SUSD1: variants seen among roughly 807,000 people sequenced by gnomAD.
The protein encoded by SUSD1 is sushi domain-containing protein 1.
Under a neutral mutation model 86.9 loss-of-function variants are expected in SUSD1, and 65 were observed. The ratio of observed to expected loss-of-function variants is 0.75; its 90% CI spans 0.61 to 0.92. The LOEUF (loss-of-function observed/expected upper bound fraction) is 0.92, where lower values mean the gene tolerates loss of function less well. Among genes scored for constraint, SUSD1 ranks in the 40% least tolerant of loss-of-function variants. The pLI is 0.00. For missense variants in SUSD1, 850 were observed against 929.7 expected, an observed-to-expected ratio of 0.91 and a Z score of 1.11; for synonymous variants, 346 against 350.0, an observed-to-expected ratio of 0.99 and a Z score of 0.13.
intron 1 of SUSD1, among the ~76,000 whole-genome samples, chr9:112,171,535 A>C (rs1304541175): frequency 2.0e-5 from 3 of 152,220 alleles, no homozygotes; most frequent in Admixed American, 2.0e-4. Flanking sequence ...TGCTGTAAAG[A>C]GAAGCGGATA....
intron 8 of SUSD1, among the ~76,000 whole-genome samples, chr9:112,106,403 T>C (rs902466423): frequency 6.6e-6 from 1 of 152,152 alleles, no homozygotes; most frequent in Non-Finnish European, 1.5e-5. Context: ...TTATCTTCAA[T>C]TGAGCTCTCA....
chr9:112,116,960 C>CA (rs1831351431), intron 6 of SUSD1, among the ~76,000 whole-genome samples: 1 of 151,990 alleles, frequency 6.6e-6, no homozygotes, highest in South Asian at 2.1e-4. Context: ...GCCAACATGG[C>CA]AAAAACATGT....
chr9:112,107,881 A>G (rs1415142721), intron 8 of SUSD1, among the ~76,000 whole-genome samples: 2 of 152,252 alleles, frequency 1.3e-5, no homozygotes, highest in Non-Finnish European at 2.9e-5. Flanking sequence ...AACAAAAACC[A>G]GAAGTCCTGA....
chr9:112,063,316 A>G (rs1828817692), intron 12 of SUSD1, among the ~76,000 whole-genome samples: 1 of 152,194 alleles, frequency 6.6e-6, no homozygotes, highest in African/African-American at 2.4e-5. Flanking sequence ...GAATGGGAAC[A>G]TATTGCTTAA....
chr9:112,081,337 C>T (rs1367139024), intron 10 of SUSD1, among the ~76,000 whole-genome samples: 1 of 152,224 alleles, frequency 6.6e-6, no homozygotes, highest in Non-Finnish European at 1.5e-5. Flanking sequence ...CACGACTCCT[C>T]TCTATGGATT....
intron 1 of SUSD1, among the ~76,000 whole-genome samples, chr9:112,166,384 A>C (rs370472029): frequency 1.3e-5 from 2 of 152,290 alleles, no homozygotes; most frequent in South Asian, 4.1e-4. Context: ...GCTTCCTGGC[A>C]ATCCTGTTAA....
At chr9:112,044,439 G>T (rs561610419) in intron 15 of SUSD1, among the ~76,000 whole-genome samples, 1 of 152,376 alleles carries the variant, frequency 6.6e-6, no homozygotes, top group South Asian at 2.1e-4. Context: ...CCTCTAGGTA[G>T]TGGGAGAAGT....
intron 1 of SUSD1, among the ~76,000 whole-genome samples, chr9:112,161,736 C>T (rs949935750): frequency 2.7e-5 from 4 of 150,850 alleles, no homozygotes; most frequent in South Asian, 2.1e-4. Context: ...GCAGGAGAAT[C>T]GCTTGAACCC....
At chr9:112,063,964 C>T (rs536894319) in intron 12 of SUSD1, among the ~76,000 whole-genome samples, 1 of 150,472 alleles carries the variant, frequency 6.6e-6, no homozygotes, top group East Asian at 2.0e-4. Flanking sequence ...TTCCACCTGG[C>T]CTTCTATCCA....
chr9:112,093,602 G>A (rs1170980679), intron 10 of SUSD1, among the ~76,000 whole-genome samples: 2 of 152,194 alleles, frequency 1.3e-5, no homozygotes, highest in Non-Finnish European at 2.9e-5. Context: ...AGAGTTCCTG[G>A]AAACTTGCCC....
At chr9:112,093,145 C>A (rs2131593641) in intron 10 of SUSD1, among the ~76,000 whole-genome samples, 1 of 152,328 alleles carries the variant, frequency 6.6e-6, no homozygotes, top group East Asian at 1.9e-4. Context: ...TTGCTATTTA[C>A]CTGTCTTTCC....
chr9:112,078,536 A>T lies in SUSD1; in HGVS notation c.1753+2T>A. 6.2e-7 allele frequency: 1 copy of T among 1,605,652 alleles called. No homozygotes were observed. The highest frequency in any genetic ancestry group is 8.5e-7 in the Non-Finnish European group (1 of 1,173,058). ...ATCCAAATGCTGTTATTCAAGATTT[A>T]CCTGTTATCTGGGTTGTCAGGGAGA... On this transcript the variant is annotated splice_donor_variant, in intron 12 of 16. Coordinates refer to ENST00000374270, the MANE Select transcript of SUSD1 (RefSeq NM_022486.5). LOFTEE classifies it high-confidence loss of function.
chr9:112,144,961 C>A (rs755499484), intron 3 of SUSD1, among the ~76,000 whole-genome samples: 1 of 152,120 alleles, frequency 6.6e-6, no homozygotes, highest in Non-Finnish European at 1.5e-5. Flanking sequence ...ATTCCATCAG[C>A]TGGGCATGCC....
At position 112,111,741 on chromosome 9, in the gene SUSD1, G is replaced by A. The variant is rs1195053927; in HGVS notation, c.1084C>T (p.Leu362=). 2.5e-6 allele frequency: 4 copies of A among 1,614,052 alleles called. No individual in the cohort carries two copies. Among genetic ancestry groups the A allele is most frequent in the South Asian group, 2.2e-5 (2 of 91,084 alleles). Residue 362 remains leucine, a synonymous_variant, in exon 8 of 17, where the codon CTG becomes TTG. Transcript: ENST00000374270. ...DSRTPEVCLA[L]YPGTNYTVNI... ...ACGGTGTAGTTGGTGCCTGGGTACAGGGCTAGGCACACTTCTGGGGTCCTG... is the reference window on the plus strand; with the variant it reads ...ACGGTGTAGTTGGTGCCTGGGTACAAGGCTAGGCACACTTCTGGGGTCCTG...
intron 10 of SUSD1, among the ~76,000 whole-genome samples, chr9:112,085,614 A>G (rs529954528): frequency 6.6e-6 from 1 of 152,378 alleles, no homozygotes; most frequent in African/African-American, 2.4e-5. Context: ...GAATTCAGAA[A>G]GAAAGATACT....
chr9:112,089,419 T>C (rs578006206), intron 10 of SUSD1, among the ~76,000 whole-genome samples: 2 of 152,320 alleles, frequency 1.3e-5, no homozygotes, highest in Admixed American at 6.5e-5. Context: ...GCATTAAATA[T>C]GACAAAGGAC....
At chr9:112,165,842 G>GAA in intron 1 of SUSD1, among the ~76,000 whole-genome samples, 1 of 135,150 alleles carries the variant, frequency 7.4e-6, no homozygotes, top group African/African-American at 2.7e-5. Context: ...GAGAAAGAAA[G>GAA]AAAGAGAAAG....
intron 13 of SUSD1, among the ~76,000 whole-genome samples, chr9:112,060,522 C>T (rs962082785): frequency 2.0e-5 from 3 of 152,152 alleles, no homozygotes; most frequent in Non-Finnish European, 2.9e-5. Context: ...AGTTGTTGCA[C>T]GTATCACTGC....
At chr9:112,098,396 A>G in intron 10 of SUSD1, 74 bp downstream of exon 10, 1 of 1,474,222 alleles carries the variant, frequency 6.8e-7, no homozygotes, top group African/African-American at 1.4e-5. Flanking sequence ...TAGCACTCTT[A>G]TGCCCGCCCA....
Sources: gnomAD v4.1 joint callset for allele counts (sites outside exome capture counted in the v4.1 genomes callset) on GRCh38, gnomAD v4.1.1 for gene constraint, MANE v1.5 for transcripts, NCBI Gene and HGNC (gene_info 2026-07-23, HGNC 2026-07-21) for gene names.